Variants in ABHD17C observed in about 807,000 individuals in gnomAD.
ABHD17C encodes abhydrolase domain containing 17C, depalmitoylase.
ABHD17C carries 11 observed loss-of-function variants against 27.9 expected under a neutral mutation model. The observed-to-expected ratio is 0.39, with a 90% confidence interval of 0.25 to 0.65. The LOEUF (loss-of-function observed/expected upper bound fraction) is 0.65. ABHD17C is among the 30% of genes least tolerant of loss of function. The probability of loss-of-function intolerance (pLI) is 0.45; values close to 1 mark genes in which losing one functional copy is unlikely to be tolerated. For synonymous variants in ABHD17C, 233 were observed against 209.1 expected, an observed-to-expected ratio of 1.11 and a Z score of -0.98; for missense variants, 280 against 470.2, an observed-to-expected ratio of 0.60 and a Z score of 3.74.
At chr15:80,705,333 T>TTGTGTGTGTGTGTGTG (rs1555421862) in intron 1 of ABHD17C, among the ~76,000 whole-genome samples, 10,197 of 106,764 alleles carry the variant, frequency 0.096, 905 homozygotes, top group African/African-American at 0.18. Context: ...TTCCTATGAT[T>TTGTGTGTGTGTGTGTG]TGTGTGTGTG....
chr15:80,696,581 G>T (rs1894498212), intron 1 of ABHD17C, among the ~76,000 whole-genome samples: 1 of 152,200 alleles, frequency 6.6e-6, no homozygotes. Flanking sequence ...TCCTGGTGGG[G>T]CAAAGTAGTG....
intron 1 of ABHD17C, among the ~76,000 whole-genome samples, chr15:80,715,544 A>G (rs1894792101): frequency 6.6e-6 from 1 of 152,248 alleles, no homozygotes. Context: ...GTTGGATAGA[A>G]TACATTTTTA....
At chr15:80,745,658 C>T (rs975335410) in intron 1 of ABHD17C, among the ~76,000 whole-genome samples, 18 of 152,182 alleles carry the variant, frequency 1.2e-4, no homozygotes, top group South Asian at 2.1e-4. Flanking sequence ...TGAGCCATCG[C>T]GCCCAGCCTT....
intron 1 of ABHD17C, among the ~76,000 whole-genome samples, chr15:80,729,745 C>T (rs1215349326): frequency 6.6e-6 from 1 of 152,142 alleles, no homozygotes; most frequent in African/African-American, 2.4e-5. Context: ...TTGATATGTT[C>T]GAGAACCTAA....
intron 1 of ABHD17C, among the ~76,000 whole-genome samples, chr15:80,740,915 T>G (rs1428589472): frequency 7.2e-5 from 11 of 152,122 alleles, no homozygotes; most frequent in Admixed American, 5.2e-4. Context: ...ACTTACACAT[T>G]TAAGTCAGGA....
At chr15:80,720,255 A>G (rs1179201430) in intron 1 of ABHD17C, among the ~76,000 whole-genome samples, 1 of 150,078 alleles carries the variant, frequency 6.7e-6, no homozygotes. Context: ...TTCCCTGCCC[A>G]GGACTCAGGG....
intron 1 of ABHD17C, among the ~76,000 whole-genome samples, chr15:80,719,699 A>G (rs773808141): frequency 2.9e-4 from 44 of 152,160 alleles, no homozygotes; most frequent in Non-Finnish European, 6.2e-4. Context: ...GCAAATGTGT[A>G]CTCCAATCAT....
intron 1 of ABHD17C, among the ~76,000 whole-genome samples, chr15:80,711,558 C>G (rs1596061852): frequency 6.6e-6 from 1 of 152,170 alleles, no homozygotes; most frequent in African/African-American, 2.4e-5. Flanking sequence ...AAAAAAAACC[C>G]TCCTACTGAC....
chr15:80,735,592 C>T (rs940101047), intron 1 of ABHD17C, among the ~76,000 whole-genome samples: 4 of 152,140 alleles, frequency 2.6e-5, no homozygotes, highest in East Asian at 1.9e-4. Flanking sequence ...ATCAAACCCT[C>T]GCTCCAGCCA....
At chr15:80,723,572 A>G (rs994279005) in intron 1 of ABHD17C, among the ~76,000 whole-genome samples, 1 of 152,248 alleles carries the variant, frequency 6.6e-6, no homozygotes, top group South Asian at 2.1e-4. Flanking sequence ...AGTGTTCCAC[A>G]GTTTATCAGA....
chr15:80,745,863 G>A (rs1895275728), intron 1 of ABHD17C, among the ~76,000 whole-genome samples: 1 of 152,154 alleles, frequency 6.6e-6, no homozygotes, highest in Non-Finnish European at 1.5e-5. Context: ...CTCTGCTGTT[G>A]ATATACCTTA....
chr15:80,715,183 T>C (rs1021745433), intron 1 of ABHD17C, among the ~76,000 whole-genome samples: 1 of 152,244 alleles, frequency 6.6e-6, no homozygotes, highest in Non-Finnish European at 1.5e-5. Flanking sequence ...ATAAAATTTC[T>C]CCTGAGTCTT....
chr15:80,732,703 C>A (rs1185328282), intron 1 of ABHD17C, among the ~76,000 whole-genome samples: 1 of 152,160 alleles, frequency 6.6e-6, no homozygotes, highest in African/African-American at 2.4e-5. Flanking sequence ...CAAGGAGGGG[C>A]CAAAGGGCTG....
At chr15:80,747,060 G>A (rs1479993754) in intron 1 of ABHD17C, among the ~76,000 whole-genome samples, 1 of 152,026 alleles carries the variant, frequency 6.6e-6, no homozygotes, top group African/African-American at 2.4e-5. Context: ...TTCATTAACT[G>A]CCTTCAGTTT....
At chr15:80,718,078 T>G (rs1894833009) in intron 1 of ABHD17C, among the ~76,000 whole-genome samples, 1 of 152,142 alleles carries the variant, frequency 6.6e-6, no homozygotes, top group Non-Finnish European at 1.5e-5. Flanking sequence ...AGAAGCCTAC[T>G]TGAGTTGTTA....
In ABHD17C at chr15:80,695,436, G is replaced by A; in HGVS notation, c.7G>A (p.Glu3Lys). ...CGGGCACCAGGCCGTCCCGATGCCC[G>A]AGCCAGGCCCCAGGATGAACGGCTT... MP[E>K]PGPRMNGFSL... The change falls in exon 1 of 3, where the codon GAG becomes AAG. Residue 3 changes from glutamate to lysine, a missense_variant. Glu to Lys is a moderately conservative substitution (Grantham distance 56). Coordinates refer to ENST00000258884, the MANE Select transcript of ABHD17C (RefSeq NM_021214.2). The surrounding 1 kb of genome is among the most constrained non-coding windows in gnomAD (Gnocchi z 4.3). The A allele has an allele frequency of 4.5e-6, 6 of 1,332,902 alleles. No individual in the cohort carries two copies. Among genetic ancestry groups the A allele is most frequent in the Non-Finnish European group, 5.8e-6 (6 of 1,026,098 alleles). 82.6% of individuals were successfully genotyped at this position (1,332,902 alleles called of 1,614,324 possible).
At chr15:80,717,394 C>CA (rs899167969) in intron 1 of ABHD17C, among the ~76,000 whole-genome samples, 6 of 150,070 alleles carry the variant, frequency 4.0e-5, no homozygotes, top group Middle Eastern at 3.3e-3. Context: ...AAAATTACAA[C>CA]AAATTTTTTT....
At chr15:80,700,664 T>C (rs2141488516) in intron 1 of ABHD17C, among the ~76,000 whole-genome samples, 1 of 152,156 alleles carries the variant, frequency 6.6e-6, no homozygotes, top group East Asian at 1.9e-4. Context: ...TTGGGAGGCC[T>C]AGGCAGGAGG....
At chr15:80,724,579 A>G (rs1263916780) in intron 1 of ABHD17C, among the ~76,000 whole-genome samples, 2 of 152,186 alleles carry the variant, frequency 1.3e-5, no homozygotes, top group Non-Finnish European at 2.9e-5. Flanking sequence ...AAAAACATAA[A>G]TAAGGCTGAA....
Sources: gnomAD v4.1 joint callset for allele counts (sites outside exome capture counted in the v4.1 genomes callset) on GRCh38, gnomAD v4.1.1 for gene constraint, Gnocchi (gnomAD v3.1) non-coding constraint, MANE v1.5 for transcripts, NCBI Gene and HGNC (gene_info 2026-07-23, HGNC 2026-07-21) for gene names.